The following VCX3B variants were observed in gnomAD, a reference collection of about 807,000 sequenced individuals.
The protein encoded by VCX3B is variable charge X-linked protein 3B.
For missense variants in VCX3B, 43 were observed against 195.3 expected (o/e 0.22, Z 4.65); for synonymous variants, 15 against 85.8 (o/e 0.17, Z 4.56).
At position 8,466,147 on chromosome X, in the gene VCX3B, G is replaced by C. The variant is rs200991738; in HGVS notation, c.505G>C (p.Glu169Gln). Residue 169 changes from glutamate (E) to glutamine (Q), a missense_variant, in exon 3 of 3, where the codon GAG becomes CAG. Glu to Gln is a conservative substitution (Grantham distance 29). Transcript: ENST00000381032. ...EVEEPLSQES[E>Q]VEEPLSQESQ... ...GGAGGAACCACTGAGTCAGGAGAGCGAGGTGGAAGAACCACTGAGTCAGGA... is the reference window on the plus strand; with the variant it reads ...GGAGGAACCACTGAGTCAGGAGAGCCAGGTGGAAGAACCACTGAGTCAGGA... 6.3e-4 allele frequency: 530 copies of C among 844,978 alleles called. 19 individuals carry two copies. Among genetic ancestry groups the C allele is most frequent in the East Asian group, 4.2e-3 (59 of 13,889 alleles). The allele number at this position is 844,978 out of a possible 1,213,427, so 69.6% of individuals were successfully genotyped here.
At chrX:8,465,178 C>T in intron 1 of VCX3B, 127 bp from the exon 2 acceptor site, 1 of 370,701 alleles carries the variant, frequency 2.7e-6, no homozygotes, top group Non-Finnish European at 4.6e-6. Context: ...GGTGCTAACC[C>T]AAATCTCCCT....
chrX:8,466,256 GT>G lies in VCX3B; in HGVS notation c.615del (p.Gln206ArgfsTer9). ...GAGAGCCAGGTGGAGGAACCACTGA[GT>G]CAGGAGAGCGAGATGGAAGAACCAC... ...SQESQVEEPL[S>X]QESEMEEPLS... is the part of the protein sequence containing the mutation. On this transcript the variant is annotated frameshift_variant, in exon 3 of 3. Transcript: ENST00000381032. LOFTEE classifies it high-confidence loss of function. The G allele has an allele frequency of 9.1e-7, 1 of 1,095,990 alleles. No individual in the cohort carries two copies. 90.3% of individuals were successfully genotyped at this position (1,095,990 alleles called of 1,213,427 possible).
chrX:8,465,230 C>CA (rs200887951), intron 1 of VCX3B, 75 bp from the exon 2 acceptor site: 1 of 218,260 alleles, frequency 4.6e-6, no homozygotes, highest in Non-Finnish European at 7.8e-6. Context: ...TAGATGTCAC[C>CA]CCCCCCCGCC....
chrX:8,466,399 C>G lies in VCX3B; in HGVS notation c.*16C>G, dbSNP rs769747541. 3 of 1,077,045 alleles carry G rather than the reference C, an allele frequency of 2.8e-6. No homozygotes were observed. Among genetic ancestry groups the G allele is most frequent in the Non-Finnish European group, 3.6e-6 (3 of 828,248 alleles). 88.8% of individuals were successfully genotyped at this position (1,077,045 alleles called of 1,213,427 possible). A position where few individuals can be genotyped will look rare whatever the true frequency, so the allele number is the denominator to read the frequency against. ...GAGTGTGTAGACGGCCAAGTACTCCCCTATCTCCGAGAGCAGCGACTAAGT... is the reference window on the plus strand; with the variant it reads ...GAGTGTGTAGACGGCCAAGTACTCCGCTATCTCCGAGAGCAGCGACTAAGT... On this transcript the variant is annotated 3_prime_UTR_variant, in exon 3 of 3. Coordinates refer to ENST00000381032, the MANE Select transcript of VCX3B (RefSeq NM_001001888.4).
Position 8,466,465 on chromosome X carries a change from G to T in VCX3B, c.*82G>T, listed in dbSNP as rs1211231062. The stretch of plus-strand genomic sequence containing the variant: ...AGACCTCAGAGATCTCACCAGCGGG[G>T]TGCTTGCCATTCTGATGATAATAAA... On this transcript the variant is annotated 3_prime_UTR_variant, in exon 3 of 3. Coordinates refer to ENST00000381032, the MANE Select transcript of VCX3B (RefSeq NM_001001888.4). 7 of 909,725 alleles carry T rather than the reference G, an allele frequency of 7.7e-6. No homozygotes were observed. Among genetic ancestry groups the T allele is most frequent in the Non-Finnish European group, 9.7e-6 (7 of 720,440 alleles). 75.0% of individuals were successfully genotyped at this position (909,725 alleles called of 1,213,427 possible). A position where few individuals can be genotyped will look rare whatever the true frequency, so the allele number is the denominator to read the frequency against.
Position 8,466,150 on chromosome X carries a change from G to GAACCACTGAGTCAGGAGAGCGAGA in VCX3B, c.508_509insAACCACTGAGTCAGGAGAGCGAGA (p.Val170delinsGluProLeuSerGlnGluSerGluMet). 3.8e-6 allele frequency: 3 copies of GAACCACTGAGTCAGGAGAGCGAGA among 788,142 alleles called. 1 individual carries two copies. Among genetic ancestry groups the GAACCACTGAGTCAGGAGAGCGAGA allele is most frequent in the Non-Finnish European group, 4.7e-6 (3 of 639,764 alleles). 65.0% of individuals were successfully genotyped at this position (788,142 alleles called of 1,213,427 possible). On this transcript the variant is annotated protein_altering_variant, in exon 3 of 3. Transcript: ENST00000381032. ...GGAACCACTGAGTCAGGAGAGCGAG[G>GAACCACTGAGTCAGGAGAGCGAGA]TGGAAGAACCACTGAGTCAGGAGAG...
chrX:8,465,871 A>AT lies in VCX3B; in HGVS notation c.229_230insT (p.Ser77MetfsTer?). 9.2e-7 allele frequency: 1 copy of AT among 1,082,468 alleles called. No individual in the cohort carries two copies. Among genetic ancestry groups the AT allele is most frequent in the Non-Finnish European group, 1.2e-6 (1 of 801,972 alleles). The allele number at this position is 1,082,468 out of a possible 1,213,427, so 89.2% of individuals were successfully genotyped here. ...GAGCGGGCCAGCGGCACCCGGCCCC[A>AT]GCGACCAGCCCAGCCAGGAGCTCCC... On this transcript the variant is annotated frameshift_variant, in exon 3 of 3. Coordinates refer to ENST00000381032, the MANE Select transcript of VCX3B (RefSeq NM_001001888.4). LOFTEE classifies it low-confidence loss of function (END_TRUNC).
Position 8,466,149 on chromosome X carries a change from GGTGGAAGAA to G in VCX3B, c.508_516del (p.Val170_Glu172del), listed in dbSNP as rs751408570. 1.2e-6 allele frequency: 1 copy of G among 869,039 alleles called. No individual in the cohort carries two copies. The highest frequency in any genetic ancestry group is 2.8e-5 in the South Asian group (1 of 36,257). The allele number at this position is 869,039 out of a possible 1,213,427, so 71.6% of individuals were successfully genotyped here. ...AGGAACCACTGAGTCAGGAGAGCGA[GGTGGAAGAA>G]CCACTGAGTCAGGAGAGCCAGGTGG... On this transcript the variant is annotated inframe_deletion, in exon 3 of 3. Coordinates refer to ENST00000381032, the MANE Select transcript of VCX3B (RefSeq NM_001001888.4).
At position 8,465,442 on chromosome X, in the gene VCX3B, CTGCGGAAGATGAGT is replaced by C. The variant is rs1928470909; in HGVS notation, c.-8_6del. ...TAGTCGACCGTTGCGAGACGTTGAGCTGCGGAAGATGAGTCCAAAGCCGAGAGCCTCGGGACCTC... is the reference window on the plus strand; with the variant it reads ...TAGTCGACCGTTGCGAGACGTTGAGCCCAAAGCCGAGAGCCTCGGGACCTC... On this transcript the variant is annotated start_lost and 5_prime_UTR_variant, in exon 2 of 3. Coordinates refer to ENST00000381032, the MANE Select transcript of VCX3B (RefSeq NM_001001888.4). The C allele has an allele frequency of 9.2e-7, 1 of 1,088,015 alleles. No homozygotes were observed. Among genetic ancestry groups the C allele is most frequent in the Non-Finnish European group, 1.2e-6 (1 of 801,592 alleles). The allele number at this position is 1,088,015 out of a possible 1,213,427, so 89.7% of individuals were successfully genotyped here. A position where few individuals can be genotyped will look rare whatever the true frequency, so the allele number is the denominator to read the frequency against.
At position 8,465,062 on chromosome X, in the gene VCX3B, G is replaced by A. The variant is rs1407160887; in HGVS notation, c.-147+72G>A. On this transcript the variant is annotated intron_variant, in intron 1 of 2. Transcript: ENST00000381032. Reference sequence around the variant, plus strand: ...GAATGTACCACTGAATGGGAGGTCCGGGGGAAACATGTGGCGGAAATATCC... The same window carrying A: ...GAATGTACCACTGAATGGGAGGTCCAGGGGAAACATGTGGCGGAAATATCC... The A allele has an allele frequency of 3.4e-5, 9 of 261,534 alleles. 1 individual carries two copies. The highest frequency in any genetic ancestry group is 5.6e-5 in the Non-Finnish European group (9 of 159,389). 21.6% of individuals were successfully genotyped at this position (261,534 alleles called of 1,213,427 possible).
In VCX3B at chrX:8,466,463, G is replaced by C; in HGVS notation, c.*80G>C. On this transcript the variant is annotated 3_prime_UTR_variant, in exon 3 of 3. Transcript: ENST00000381032. ...CCAGACCTCAGAGATCTCACCAGCGGGGTGCTTGCCATTCTGATGATAATA... is the reference window on the plus strand; with the variant it reads ...CCAGACCTCAGAGATCTCACCAGCGCGGTGCTTGCCATTCTGATGATAATA... 2.2e-6 allele frequency: 2 copies of C among 921,908 alleles called. No individual in the cohort carries two copies. Among genetic ancestry groups the C allele is most frequent in the Non-Finnish European group, 2.8e-6 (2 of 726,026 alleles). 76.0% of individuals were successfully genotyped at this position (921,908 alleles called of 1,213,427 possible). A position where few individuals can be genotyped will look rare whatever the true frequency, so the allele number is the denominator to read the frequency against.
In VCX3B at chrX:8,464,950, G is replaced by A. The variant is rs61130580; in HGVS notation, c.-187G>A. On this transcript the variant is annotated 5_prime_UTR_variant, in exon 1 of 3. Transcript: ENST00000381032. ...AGAGAGGGATGATTGACATCTTCGT[G>A]TAGCCCTCCATCCATCCCAGTTAGC... 26,986 of 103,636 alleles carry A rather than the reference G, an allele frequency of 0.26. 3,015 individuals are homozygous for A. The highest frequency in any genetic ancestry group is 0.53 in the Admixed American group (5,012 of 9,439). 8.5% of individuals were successfully genotyped at this position (103,636 alleles called of 1,213,427 possible).
intron 1 of VCX3B, 43 bp from the exon 2 acceptor site, chrX:8,465,262 C>G: frequency 2.6e-6 from 1 of 390,639 alleles, no homozygotes; most frequent in South Asian, 3.8e-5. Flanking sequence ...CCGCCATGTC[C>G]TGATGGTGCT....
Position 8,466,326 on chromosome X carries a change from C to A in VCX3B, c.684C>A (p.Ser228Arg). 4 of 854,090 alleles carry A rather than the reference C, an allele frequency of 4.7e-6. 1 individual carries two copies. The highest frequency in any genetic ancestry group is 4.8e-5 in the African/African-American group (1 of 20,969). The allele number at this position is 854,090 out of a possible 1,213,427, so 70.4% of individuals were successfully genotyped here. A position where few individuals can be genotyped will look rare whatever the true frequency, so the allele number is the denominator to read the frequency against. ...TGGAGGAACCACTGAGTCAGGAGAG[C>A]GAGATGGAAGAACCACTGAGTCAGG... ...SQVEEPLSQE[S>R]EMEEPLSQES... Residue 228 changes from serine (S) to arginine (R), a missense_variant, in exon 3 of 3, where the codon AGC becomes AGA. Physicochemically the swap from Ser to Arg is moderately radical, Grantham distance 110. Transcript: ENST00000381032.
In VCX3B at chrX:8,465,549, G is replaced by A. The variant is rs1371672575; in HGVS notation, c.99G>A (p.Lys33=). Residue 33 remains lysine, a synonymous_variant, in exon 2 of 3, where the codon AAG becomes AAA. Coordinates refer to ENST00000381032, the MANE Select transcript of VCX3B (RefSeq NM_001001888.4). ...SSQPSPSDPK[K]KTTKVAKKGK... Reference sequence around the variant, plus strand: ...AGCCGAGCCCCAGTGACCCGAAGAAGAAGGTGAGTGACCCTCCCAAGCTCC... The same window carrying A: ...AGCCGAGCCCCAGTGACCCGAAGAAAAAGGTGAGTGACCCTCCCAAGCTCC... 1.8e-6 allele frequency: 2 copies of A among 1,129,142 alleles called. No homozygotes were observed. The highest frequency in any genetic ancestry group is 1.9e-5 in the South Asian group (1 of 53,108). The allele number at this position is 1,129,142 out of a possible 1,213,427, so 93.1% of individuals were successfully genotyped here.
rs1232510451 is a variant in VCX3B, at chrX:8,465,866, G to GC, written c.228dup (p.Ser77GlnfsTer?). ...GCGGAGAGCGGGCCAGCGGCACCCG[G>GC]CCCCAGCGACCAGCCCAGCCAGGAG... On this transcript the variant is annotated frameshift_variant, in exon 3 of 3. Transcript: ENST00000381032. LOFTEE classifies it low-confidence loss of function (END_TRUNC). 9.3e-7 allele frequency: 1 copy of GC among 1,078,192 alleles called. No homozygotes were observed. Among genetic ancestry groups the GC allele is most frequent in the African/African-American group, 2.1e-5 (1 of 48,773 alleles). The allele number at this position is 1,078,192 out of a possible 1,213,427, so 88.9% of individuals were successfully genotyped here.
At position 8,466,327 on chromosome X, in the gene VCX3B, G is replaced by C. The variant is rs199956874; in HGVS notation, c.685G>C (p.Glu229Gln). Residue 229 changes from glutamate to glutamine, a missense_variant, in exon 3 of 3, where the codon GAG (glutamate) becomes CAG (glutamine). By Grantham distance (29) the Glu-to-Gln change is conservative. Transcript: ENST00000381032. ...GGAGGAACCACTGAGTCAGGAGAGC[G>C]AGATGGAAGAACCACTGAGTCAGGA... ...QVEEPLSQES[E>Q]MEEPLSQESE... 4.4e-3 allele frequency: 4,270 copies of C among 966,145 alleles called. 187 individuals carry two copies. In the African/African-American group the frequency reaches 0.053, roughly 12 times the overall value. The allele number at this position is 966,145 out of a possible 1,213,427, so 79.6% of individuals were successfully genotyped here. A position where few individuals can be genotyped will look rare whatever the true frequency, so the allele number is the denominator to read the frequency against.
Position 8,464,918 on chromosome X carries a change from T to C in VCX3B, c.-219T>C, listed in dbSNP as rs1311831190. On this transcript the variant is annotated 5_prime_UTR_variant, in exon 1 of 3. Transcript: ENST00000381032. ...GATCCTCAAGGTGTAGCAGAGGAAT[T>C]TGTAGGAGAGAGGGATGATTGACAT... 76 of 132,719 alleles carry C rather than the reference T, an allele frequency of 5.7e-4. No individual in the cohort carries two copies. The highest frequency in any genetic ancestry group is 2.1e-3 in the East Asian group (8 of 3,810). The allele number at this position is 132,719 out of a possible 1,213,427, so 10.9% of individuals were successfully genotyped here.
In VCX3B at chrX:8,465,233, C is replaced by A. The variant is rs1461118104; in HGVS notation, c.-146-72C>A. On this transcript the variant is annotated intron_variant, in intron 1 of 2. Transcript: ENST00000381032. ...TGCCTTCCTCATTAGATGTCACCCCCCCCCGCCCCCGACTTCATCCGCCAT... is the reference window on the plus strand; with the variant it reads ...TGCCTTCCTCATTAGATGTCACCCCACCCCGCCCCCGACTTCATCCGCCAT... 8 of 249,330 alleles carry A rather than the reference C, an allele frequency of 3.2e-5. 2 individuals carry two copies. Among genetic ancestry groups the A allele is most frequent in the Non-Finnish European group, 5.5e-5 (8 of 144,260 alleles). 20.5% of individuals were successfully genotyped at this position (249,330 alleles called of 1,213,427 possible). A position where few individuals can be genotyped will look rare whatever the true frequency, so the allele number is the denominator to read the frequency against.
Sources: allele counts gnomAD v4.1 joint callset, GRCh38; gene constraint gnomAD v4.1.1; transcripts MANE v1.5; gene names NCBI Gene and HGNC (gene_info 2026-07-23, HGNC 2026-07-21).